TTLL11: variants seen among roughly 807,000 people sequenced by gnomAD.
TTLL11 encodes tubulin tyrosine ligase like 11.
A neutral mutation model predicts 51.7 loss-of-function variants in TTLL11; 42 were observed. That is an observed-to-expected ratio of 0.81 (90% CI 0.64 to 1.05). The LOEUF (loss-of-function observed/expected upper bound fraction) is 1.05, where lower values mean the gene tolerates loss of function less well. Ranked by LOEUF, TTLL11 falls within the 50% of genes least tolerant of loss-of-function variation. The pLI is 0.00. For missense variants in TTLL11, 799 were observed against 940.4 expected, an observed-to-expected ratio of 0.85 and a Z score of 1.97; for synonymous variants, 381 against 383.5, an observed-to-expected ratio of 0.99 and a Z score of 0.08.
intron 3 of TTLL11, among the ~76,000 whole-genome samples, chr9:122,007,007 A>AC (rs1564354230): frequency 6.7e-6 from 1 of 149,730 alleles, no homozygotes; most frequent in Non-Finnish European, 1.5e-5. Context: ...AAAAAAAAAA[A>AC]AACTTTTCCT....
At chr9:121,954,678 G>GCACACAAA (rs1554773862) in intron 6 of TTLL11, among the ~76,000 whole-genome samples, 2 of 149,302 alleles carry the variant, frequency 1.3e-5, no homozygotes, top group African/African-American at 4.9e-5. Flanking sequence ...ACACACAGAC[G>GCACACAAA]CACACACACA....
At chr9:122,022,033 C>T (rs747767731) in intron 3 of TTLL11, among the ~76,000 whole-genome samples, 49 of 152,050 alleles carry the variant, frequency 3.2e-4, no homozygotes, top group Non-Finnish European at 5.0e-4. Context: ...TGGGATTATT[C>T]GACAAGAATG....
chr9:121,823,020 G>A (rs1053972542), intron 8 of TTLL11, 141 bp from the exon 9 acceptor site: 11 of 1,038,274 alleles, frequency 1.1e-5, no homozygotes, highest in Non-Finnish European at 1.4e-5. Context: ...CTCCTAACAG[G>A]GCTAACTCAC....
intron 7 of TTLL11, among the ~76,000 whole-genome samples, chr9:121,868,353 G>A (rs949586961): frequency 6.6e-6 from 1 of 152,258 alleles, no homozygotes; most frequent in Non-Finnish European, 1.5e-5. Context: ...CTATAATGGG[G>A]TAGCACTATG....
chr9:121,951,996 C>A (rs1841866040), intron 6 of TTLL11, among the ~76,000 whole-genome samples: 1 of 152,146 alleles, frequency 6.6e-6, no homozygotes, highest in Non-Finnish European at 1.5e-5. Flanking sequence ...CTCTTGTCGC[C>A]ATCTTGGTTT....
intron 6 of TTLL11, among the ~76,000 whole-genome samples, chr9:121,954,072 C>G (rs1271993981): frequency 6.6e-6 from 1 of 152,224 alleles, no homozygotes; most frequent in Non-Finnish European, 1.5e-5. Context: ...CCCAACACAG[C>G]CCCAGCCCCA....
chr9:121,964,049 A>G (rs1471136599), intron 6 of TTLL11, among the ~76,000 whole-genome samples: 1 of 152,130 alleles, frequency 6.6e-6, no homozygotes, highest in African/African-American at 2.4e-5. Context: ...CTTTTGCTCC[A>G]GAAAAAAAAT....
chr9:121,850,807 C>T (rs1837646409), intron 8 of TTLL11, among the ~76,000 whole-genome samples: 1 of 152,176 alleles, frequency 6.6e-6, no homozygotes, highest in Admixed American at 6.5e-5. Flanking sequence ...TGAAATTAAC[C>T]ATTGCACCAT....
chr9:121,989,752 C>A lies in TTLL11; in HGVS notation c.712G>T (p.Asp238Tyr), dbSNP rs373543178. The A allele has an allele frequency of 6.9e-6, 11 of 1,599,480 alleles. No individual in the cohort carries two copies. Among genetic ancestry groups the A allele is most frequent in the South Asian group, 5.6e-5 (5 of 89,334 alleles). The change falls in exon 4 of 9, where the codon GAT (aspartate) becomes TAT (tyrosine). Residue 238 changes from aspartate to tyrosine, a missense_variant. Around this residue, in one of 3 missense-constraint regions of TTLL11, gnomAD observed 468 missense variants for 612.8 expected, o/e 0.76. Transcript: ENST00000321582. This position sits in a 1 kb window ranked among gnomAD's most constrained non-coding sequence, Gnocchi z 4.2. The part of the protein sequence containing the change: ...FVAQVQMVKD[D>Y]DPSWKPTFIV... ...AAAGTGGGCTTCCAGGAGGGGTCAT[C>A]GTCTTTCACCATTTGAACCTGGAGG...
chr9:121,880,292 A>C (rs956428822), intron 6 of TTLL11, among the ~76,000 whole-genome samples: 3 of 152,128 alleles, frequency 2.0e-5, no homozygotes, highest in African/African-American at 4.8e-5. Flanking sequence ...GGCCTGAGAG[A>C]GCATTCCAGG....
At chr9:121,881,690 T>C (rs1214620007) in intron 6 of TTLL11, among the ~76,000 whole-genome samples, 3 of 152,210 alleles carry the variant, frequency 2.0e-5, no homozygotes, top group African/African-American at 7.2e-5. Flanking sequence ...TGTATGGGAT[T>C]TGCACTGATG....
At chr9:122,050,355 T>G (rs1393301812) in intron 1 of TTLL11, among the ~76,000 whole-genome samples, 4 of 152,208 alleles carry the variant, frequency 2.6e-5, no homozygotes, top group African/African-American at 9.7e-5. Context: ...CACTGCGGTG[T>G]GCGTGCACTT....
chr9:121,942,738 A>ATTTTTTTTTTT (rs34352222), intron 6 of TTLL11, among the ~76,000 whole-genome samples: 2 of 97,902 alleles, frequency 2.0e-5, no homozygotes, highest in Non-Finnish European at 2.1e-5. Context: ...AATCTGTCTT[A>ATTTTTTTTTTT]TTTTTTTTTT....
chr9:121,902,477 A>T lies in TTLL11; in HGVS notation c.1482-31729T>A, dbSNP rs73664709. The stretch of plus-strand genomic sequence containing the variant: ...GTAGTTAGGAACCTTGGAGAAAAAG[A>T]TGTTTCTCACAGACTGTTTCAATTC... On this transcript the variant is annotated intron_variant, in intron 6 of 8. Coordinates refer to ENST00000321582, the MANE Select transcript of TTLL11 (RefSeq NM_001139442.2). 6.1e-3 allele frequency among the ~76,000 whole-genome samples: 934 copies of T among 152,304 alleles called. 10 individuals are homozygous for T. The highest frequency in any genetic ancestry group is 0.021 in the African/African-American group (889 of 41,564).
intron 3 of TTLL11, among the ~76,000 whole-genome samples, chr9:122,003,230 T>A (rs1331300868): frequency 2.0e-5 from 3 of 152,112 alleles, no homozygotes; most frequent in Non-Finnish European, 2.9e-5. Context: ...ACCTCTCCGG[T>A]CCAGCACTTC....
chr9:121,836,643 C>T (rs1397101583), intron 8 of TTLL11, among the ~76,000 whole-genome samples: 1 of 152,232 alleles, frequency 6.6e-6, no homozygotes, highest in Non-Finnish European at 1.5e-5. Context: ...CCAGCCCTGG[C>T]TGACTCCTCA....
At chr9:122,088,099 G>A (rs1182582132) in intron 1 of TTLL11, among the ~76,000 whole-genome samples, 2 of 152,206 alleles carry the variant, frequency 1.3e-5, no homozygotes, top group Admixed American at 6.5e-5. Flanking sequence ...TCTATATATG[G>A]CAAGCAATCT....
chr9:122,002,774 C>T lies in TTLL11; in HGVS notation c.694-13004G>A, dbSNP rs575012010. Among the ~76,000 whole-genome samples, 11 of 151,776 alleles carry T rather than the reference C, an allele frequency of 7.2e-5. No individual in the cohort carries two copies. In the East Asian group the frequency reaches 1.9e-3, roughly 27 times the overall value. The stretch of plus-strand genomic sequence containing the variant: ...ATCCTGGCCAACATGGTGAAACCCC[C>T]GTCTCTACTAAAACTACAAAAATTA... On this transcript the variant is annotated intron_variant, in intron 3 of 8. Transcript: ENST00000321582.
chr9:121,925,424 G>A (rs544215258), intron 6 of TTLL11, among the ~76,000 whole-genome samples: 39 of 148,284 alleles, frequency 2.6e-4, no homozygotes, highest in Middle Eastern at 3.5e-3. Context: ...TTCCAGCTGC[G>A]CCCGCCCACC....
Sources: allele counts gnomAD v4.1 joint callset (sites outside exome capture counted in the v4.1 genomes callset), GRCh38; gene constraint gnomAD v4.1.1; regional missense constraint gnomAD v4.1.1; non-coding constraint Gnocchi (gnomAD v3.1); transcripts MANE v1.5; gene names NCBI Gene and HGNC (gene_info 2026-07-23, HGNC 2026-07-21).